Variants in TOX2 observed in about 807,000 individuals in gnomAD.
The protein encoded by TOX2 is TOX high mobility group box family member 2.
A neutral mutation model predicts 47.4 loss-of-function variants in TOX2; 15 were observed. The ratio of observed to expected loss-of-function variants is 0.32; its 90% confidence interval spans 0.21 to 0.49. TOX2 has a LOEUF of 0.49. Among genes scored for constraint, TOX2 ranks in the 20% least tolerant of loss-of-function variants. The pLI, the probability that TOX2 is intolerant of heterozygous loss-of-function variation, is 0.99. For synonymous variants in TOX2, 290 were observed against 296.6 expected, an observed-to-expected ratio of 0.98 and a Z score of 0.23; for missense variants, 622 against 673.1, an observed-to-expected ratio of 0.92 and a Z score of 0.84.
rs73275207 is a variant in TOX2 at position 44,031,200 on chromosome 20, C to T, written c.412-20106C>T. On this transcript the variant is annotated intron_variant, in intron 3 of 8. Transcript: ENST00000341197. ...AAGGTGGGCGAATGGGCATTGGAAG[C>T]AGCGCTGCTTCCTCCACTGTTTGCT... Among the ~76,000 whole-genome samples the T allele has an allele frequency of 3.0e-3, 455 of 152,242 alleles. 1 individual carries two copies. Among genetic ancestry groups the T allele is most frequent in the African/African-American group, 0.01 (430 of 41,544 alleles).
chr20:44,065,221 T>C (rs544844460), intron 6 of TOX2, among the ~76,000 whole-genome samples: 36 of 152,240 alleles, frequency 2.4e-4, no homozygotes, highest in African/African-American at 6.5e-4. Context: ...ATATGGCACC[T>C]CCTCACCACA....
intron 1 of TOX2, among the ~76,000 whole-genome samples, chr20:43,952,575 A>G (rs2069598158): frequency 6.6e-6 from 1 of 152,068 alleles, no homozygotes; most frequent in Non-Finnish European, 1.5e-5. Flanking sequence ...TTGCTTTTTT[A>G]TACTTCTACC....
At position 44,014,128 on chromosome 20, in the gene TOX2, CAAAAAAAAAAAA is replaced by C. The variant is rs55721806; in HGVS notation, c.411+7352_411+7363del. 3.4e-4 allele frequency among the ~76,000 whole-genome samples: 18 copies of C among 53,584 alleles called. No homozygotes were observed. The East Asian group carries it at 7.6e-3, about 23-fold the overall frequency. The allele number at this position is 53,584 out of a possible 152,430, so 35.2% of individuals were successfully genotyped here. A position where few individuals can be genotyped will look rare whatever the true frequency, so the allele number is the denominator to read the frequency against. On this transcript the variant is annotated intron_variant, in intron 3 of 8. Transcript: ENST00000341197. ...CGTGGGTGACAGAGTGAGACTATCT[CAAAAAAAAAAAA>C]AAAAAAAAAAAAAAAGGAAAAGAGA... is the stretch of plus-strand genomic sequence containing the variant.
chr20:44,040,688 C>A (rs1170477925), intron 3 of TOX2, among the ~76,000 whole-genome samples: 1 of 152,174 alleles, frequency 6.6e-6, no homozygotes, highest in Non-Finnish European at 1.5e-5. Context: ...AATCTGTCCT[C>A]CTCTTCCTCT....
chr20:44,028,299 AG>A (rs796998486), intron 3 of TOX2, among the ~76,000 whole-genome samples: 4 of 141,870 alleles, frequency 2.8e-5, no homozygotes, highest in Admixed American at 1.4e-4. Context: ...GTGGCTGGGC[AG>A]GGGGGTGAGG....
chr20:43,986,883 T>C (rs1183370276), intron 2 of TOX2, among the ~76,000 whole-genome samples: 1 of 152,062 alleles, frequency 6.6e-6, no homozygotes, highest in African/African-American at 2.4e-5. Context: ...CTGAGCAATT[T>C]AGTGAGACCC....
At chr20:43,954,189 C>T (rs1201034813) in intron 1 of TOX2, among the ~76,000 whole-genome samples, 5 of 152,134 alleles carry the variant, frequency 3.3e-5, no homozygotes, top group Admixed American at 6.5e-5. Context: ...CCCCTGCATG[C>T]GAGAGCTTCT....
chr20:44,015,347 C>T (rs2070861535), intron 3 of TOX2, among the ~76,000 whole-genome samples: 1 of 152,208 alleles, frequency 6.6e-6, no homozygotes, highest in Admixed American at 6.5e-5. Context: ...TCAAACACTC[C>T]TGCAGGGGAC....
chr20:44,007,407 C>G (rs1400700072), intron 3 of TOX2: 2 of 152,852 alleles, frequency 1.3e-5, no homozygotes, highest in African/African-American at 4.8e-5. Context: ...AGGGGAACCA[C>G]TAGGTTGCTT....
intron 3 of TOX2, among the ~76,000 whole-genome samples, chr20:44,042,064 A>G (rs2071339866): frequency 6.6e-6 from 1 of 152,260 alleles, no homozygotes; most frequent in Non-Finnish European, 1.5e-5. Context: ...TGGATAATTT[A>G]TAAAGGAAAG....
intron 3 of TOX2, among the ~76,000 whole-genome samples, chr20:44,050,202 TAAA>T (rs1453289768): frequency 6.6e-6 from 1 of 152,266 alleles, no homozygotes; most frequent in East Asian, 1.9e-4. Context: ...ATTTGTCAAT[TAAA>T]AAATAAAATA....
intron 3 of TOX2, among the ~76,000 whole-genome samples, chr20:44,009,471 G>T (rs1215271025): frequency 1.3e-5 from 2 of 152,148 alleles, no homozygotes; most frequent in Middle Eastern, 3.2e-3. Context: ...CATCAATAAT[G>T]CAAGTCCTCA....
intron 2 of TOX2, among the ~76,000 whole-genome samples, chr20:43,996,910 T>C (rs1277725800): frequency 2.0e-5 from 3 of 152,096 alleles, no homozygotes; most frequent in African/African-American, 7.2e-5. Context: ...TGTTTCCATG[T>C]ATTTCAAATA....
At position 44,022,651 on chromosome 20, in the gene TOX2, T is replaced by G. The variant is rs984400484; in HGVS notation, c.411+15859T>G. On this transcript the variant is annotated intron_variant, in intron 3 of 8. Coordinates refer to ENST00000341197, the MANE Select transcript of TOX2 (RefSeq NM_001098797.2). ...GCCACAGTCACTGTGAGCCTGTGAG[T>G]GTATCCCTGCCCTGTGGCATGTTCC... is the stretch of plus-strand genomic sequence containing the variant. 2.0e-5 allele frequency among the ~76,000 whole-genome samples: 3 copies of G among 152,294 alleles called. No homozygotes were observed. In the South Asian group the frequency reaches 6.2e-4, roughly 32 times the overall value.
At chr20:43,967,387 T>A (rs1010741114) in intron 1 of TOX2, among the ~76,000 whole-genome samples, 2 of 152,244 alleles carry the variant, frequency 1.3e-5, no homozygotes, top group South Asian at 4.1e-4. Flanking sequence ...CCAGAGAAAG[T>A]GTGAATCGAG....
At chr20:43,992,511 A>G (rs1333960272) in intron 2 of TOX2, among the ~76,000 whole-genome samples, 1 of 152,166 alleles carries the variant, frequency 6.6e-6, no homozygotes, top group Non-Finnish European at 1.5e-5. Flanking sequence ...TTTTGAGGCC[A>G]CTGTGGGAAA....
At chr20:44,042,206 A>C (rs2071342715) in intron 3 of TOX2, among the ~76,000 whole-genome samples, 1 of 152,236 alleles carries the variant, frequency 6.6e-6, no homozygotes. Flanking sequence ...CCCGTTTATA[A>C]AACCATCAGA....
intron 5 of TOX2, among the ~76,000 whole-genome samples, chr20:44,062,190 G>T (rs1190715882): frequency 1.3e-5 from 2 of 151,970 alleles, no homozygotes; most frequent in African/African-American, 4.8e-5. Context: ...GTTTGCTGAT[G>T]GGATTATCAT....
intron 3 of TOX2, among the ~76,000 whole-genome samples, chr20:44,024,344 A>G (rs2071025348): frequency 6.6e-6 from 1 of 152,132 alleles, no homozygotes; most frequent in African/African-American, 2.4e-5. Context: ...CATTTTATTC[A>G]GAGGACTAAG....
Sources: allele counts gnomAD v4.1 joint callset (sites outside exome capture counted in the v4.1 genomes callset), GRCh38; gene constraint gnomAD v4.1.1; transcripts MANE v1.5; gene names NCBI Gene and HGNC (gene_info 2026-07-23, HGNC 2026-07-21).